GREM1: variants seen among roughly 807,000 people sequenced by gnomAD.
GREM1 encodes the protein gremlin 1, DAN family BMP antagonist, also known as gremlin-1.
GREM1 carries 6 observed loss-of-function variants against 13.1 expected under a neutral mutation model. That is an observed-to-expected ratio of 0.46 (90% CI 0.25 to 0.91). GREM1 has a LOEUF of 0.91. Among genes scored for constraint, GREM1 ranks in the 40% least tolerant of loss-of-function variants. The probability of loss-of-function intolerance (pLI) is 0.18; values close to 1 mark genes in which losing one functional copy is unlikely to be tolerated. For synonymous variants in GREM1, 98 were observed against 93.7 expected (o/e 1.05, Z -0.27); for missense variants, 185 against 233.9 (o/e 0.79, Z 1.36).
intron 1 of GREM1, among the ~76,000 whole-genome samples, chr15:32,721,763 C>T (rs1243136378): frequency 6.6e-6 from 1 of 152,114 alleles, no homozygotes; most frequent in African/African-American, 2.4e-5. Context: ...ATCCTGAATA[C>T]CACACTACGC....
rs1424027637 is a variant in GREM1 at position 32,732,102 on chromosome 15, A to T, written c.*857A>T. 1 of 240,872 alleles carries T rather than the reference A, an allele frequency of 4.2e-6. No homozygotes were observed. Among genetic ancestry groups the T allele is most frequent in the Non-Finnish European group, 8.8e-6 (1 of 113,616 alleles). The allele number at this position is 240,872 out of a possible 1,614,324, so 14.9% of individuals were successfully genotyped here. ...TGGCCGTTGCAATCTGCTCAAACCT[A>T]ACACCAAACTGAAAACATAAATACT... On this transcript the variant is annotated 3_prime_UTR_variant, in exon 2 of 2. Coordinates refer to ENST00000651154, the MANE Select transcript of GREM1 (RefSeq NM_013372.7).
rs553652077 is a variant in GREM1, at chr15:32,739,424, A to G, written c.*8179A>G. On this transcript the variant is annotated 3_prime_UTR_variant, in exon 2 of 2. Transcript: ENST00000651154. ...CTGGTTGCAAACAGTTTAAATGAGAAAAGATAAGGCCTGAATTAAGGCAGC... is the reference window on the plus strand; with the variant it reads ...CTGGTTGCAAACAGTTTAAATGAGAGAAGATAAGGCCTGAATTAAGGCAGC... 1 of 152,360 alleles carries G rather than the reference A, an allele frequency of 6.6e-6. No homozygotes were observed. Among genetic ancestry groups the G allele is most frequent in the South Asian group, 2.1e-4 (1 of 4,824 alleles). The allele number at this position is 152,360 out of a possible 1,614,324, so 9.4% of individuals were successfully genotyped here.
chr15:32,724,961 C>T (rs1311263707), intron 1 of GREM1, among the ~76,000 whole-genome samples: 1 of 152,164 alleles, frequency 6.6e-6, no homozygotes, highest in Non-Finnish European at 1.5e-5. Context: ...CTGCAAAGGA[C>T]ATGAACTCAT....
chr15:32,742,615 T>A lies in GREM1; in HGVS notation c.*11370T>A, dbSNP rs186227716. The A allele has an allele frequency of 1.3e-5, 2 of 152,180 alleles. No individual in the cohort carries two copies. The highest frequency in any genetic ancestry group is 4.8e-5 in the African/African-American group (2 of 41,448). 9.4% of individuals were successfully genotyped at this position (152,180 alleles called of 1,614,324 possible). On this transcript the variant is annotated 3_prime_UTR_variant, in exon 2 of 2. Transcript: ENST00000651154. ...AAGCTGGAGGCATTATACTTCCTGATTTCAAAATATCCTGCAAAGGTACAG... is the reference window on the plus strand; with the variant it reads ...AAGCTGGAGGCATTATACTTCCTGAATTCAAAATATCCTGCAAAGGTACAG...
rs1190138071 is a variant in GREM1 at position 32,735,772 on chromosome 15, A to AG, written c.*4528dup. 1.2e-5 allele frequency: 1 copy of AG among 82,686 alleles called. No homozygotes were observed. Among genetic ancestry groups the AG allele is most frequent in the Non-Finnish European group, 2.8e-5 (1 of 35,918 alleles). 5.1% of individuals were successfully genotyped at this position (82,686 alleles called of 1,614,324 possible). A position where few individuals can be genotyped will look rare whatever the true frequency, so the allele number is the denominator to read the frequency against. On this transcript the variant is annotated 3_prime_UTR_variant, in exon 2 of 2. Coordinates refer to ENST00000651154, the MANE Select transcript of GREM1 (RefSeq NM_013372.7). ...GACACGGAAGAGCATTTCAAGCTTA[A>AG]GAAAAAAAAAAAAAAGAAGAATGTG... is the stretch of plus-strand genomic sequence containing the variant.
In GREM1 at chr15:32,734,621, A is replaced by G. The variant is rs2055673362; in HGVS notation, c.*3376A>G. ...AATTTTCACCCCAATAATGTTCTAT[A>G]TAGCCTTTGCTAAAGAGCAACTAAT... On this transcript the variant is annotated 3_prime_UTR_variant, in exon 2 of 2. Transcript: ENST00000651154. 1 of 245,820 alleles carries G rather than the reference A, an allele frequency of 4.1e-6. No individual in the cohort carries two copies. Among genetic ancestry groups the G allele is most frequent in the East Asian group, 6.1e-5 (1 of 16,280 alleles). The allele number at this position is 245,820 out of a possible 1,614,324, so 15.2% of individuals were successfully genotyped here.
At chr15:32,729,515 C>CCTTT (rs1444075185) in intron 1 of GREM1, among the ~76,000 whole-genome samples, 3 of 152,284 alleles carry the variant, frequency 2.0e-5, no homozygotes, top group African/African-American at 7.2e-5. Context: ...GAAGAGTTCC[C>CCTTT]CTTTCTCTGA....
intron 1 of GREM1, among the ~76,000 whole-genome samples, chr15:32,728,370 T>TA (rs1555443130): frequency 6.6e-6 from 1 of 152,174 alleles, no homozygotes; most frequent in Non-Finnish European, 1.5e-5. Flanking sequence ...TGTTGTAACA[T>TA]ACACTGACCA....
rs2055615258 is a variant in GREM1, at chr15:32,731,374, G to A, written c.*129G>A. On this transcript the variant is annotated 3_prime_UTR_variant, in exon 2 of 2. Coordinates refer to ENST00000651154, the MANE Select transcript of GREM1 (RefSeq NM_013372.7). ...AACCCCCAGCTGCCTCCTGGCAGGAGCCTGCTTGTGCGTAGTTCGTGTGCA... is the reference window on the plus strand; with the variant it reads ...AACCCCCAGCTGCCTCCTGGCAGGAACCTGCTTGTGCGTAGTTCGTGTGCA... 1.4e-6 allele frequency: 1 copy of A among 692,488 alleles called. No individual in the cohort carries two copies. The highest frequency in any genetic ancestry group is 1.8e-5 in the African/African-American group (1 of 55,486). 42.9% of individuals were successfully genotyped at this position (692,488 alleles called of 1,614,324 possible). A position where few individuals can be genotyped will look rare whatever the true frequency, so the allele number is the denominator to read the frequency against.
chr15:32,738,902 T>C lies in GREM1; in HGVS notation c.*7657T>C, dbSNP rs1164021979. On this transcript the variant is annotated 3_prime_UTR_variant, in exon 2 of 2. Coordinates refer to ENST00000651154, the MANE Select transcript of GREM1 (RefSeq NM_013372.7). ...ATGAGGATCACTTGAGCCCAGAAGA[T>C]TGTACCACTGCACTCCAGCCTACAT... 2.0e-5 allele frequency: 3 copies of C among 152,140 alleles called. No homozygotes were observed. Among genetic ancestry groups the C allele is most frequent in the Non-Finnish European group, 4.4e-5 (3 of 68,044 alleles). The allele number at this position is 152,140 out of a possible 1,614,324, so 9.4% of individuals were successfully genotyped here. A position where few individuals can be genotyped will look rare whatever the true frequency, so the allele number is the denominator to read the frequency against.
Position 32,736,083 on chromosome 15 carries a change from C to T in GREM1, c.*4838C>T, listed in dbSNP as rs1391163805. ...ATGAAAATCAGCAGTCTGGCAGCCA[C>T]TGAAGGTGACAGAATGGAGTTGGAG... is the stretch of plus-strand genomic sequence containing the variant. On this transcript the variant is annotated 3_prime_UTR_variant, in exon 2 of 2. Transcript: ENST00000651154. The T allele has an allele frequency of 1.3e-5, 2 of 152,224 alleles. No homozygotes were observed. Among genetic ancestry groups the T allele is most frequent in the Non-Finnish European group, 2.9e-5 (2 of 68,044 alleles). 9.4% of individuals were successfully genotyped at this position (152,224 alleles called of 1,614,324 possible). A position where few individuals can be genotyped will look rare whatever the true frequency, so the allele number is the denominator to read the frequency against.
rs978506096 is a variant in GREM1 at position 32,718,025 on chromosome 15, C to G, written c.-138C>G. On this transcript the variant is annotated 5_prime_UTR_variant, in exon 1 of 2. Coordinates refer to ENST00000651154, the MANE Select transcript of GREM1 (RefSeq NM_013372.7). ...TGGCACTCGGTGCGCCTTCCGCGGA[C>G]CGGGCGACCCAGTGCACGGCCGCCG... 3.7e-6 allele frequency: 4 copies of G among 1,081,680 alleles called. No homozygotes were observed. The highest frequency in any genetic ancestry group is 4.5e-6 in the Non-Finnish European group (4 of 890,206). 67.0% of individuals were successfully genotyped at this position (1,081,680 alleles called of 1,614,324 possible). A position where few individuals can be genotyped will look rare whatever the true frequency, so the allele number is the denominator to read the frequency against.
rs1377419423 is a variant in GREM1 at position 32,738,023 on chromosome 15, T to C, written c.*6778T>C. 1 of 117,398 alleles carries C rather than the reference T, an allele frequency of 8.5e-6. No individual in the cohort carries two copies. Among genetic ancestry groups the C allele is most frequent in the Non-Finnish European group, 1.6e-5 (1 of 61,392 alleles). The allele number at this position is 117,398 out of a possible 1,614,324, so 7.3% of individuals were successfully genotyped here. ...TTTCCCCCAAGAGGAACTAACAGGA[T>C]ATCTGCTGTCACTATTTTTATTCAA... On this transcript the variant is annotated 3_prime_UTR_variant, in exon 2 of 2. Transcript: ENST00000651154.
Position 32,743,278 on chromosome 15 carries a change from AG to A in GREM1, c.*12035del, listed in dbSNP as rs1490303158. On this transcript the variant is annotated 3_prime_UTR_variant, in exon 2 of 2. Coordinates refer to ENST00000651154, the MANE Select transcript of GREM1 (RefSeq NM_013372.7). Reference sequence around the variant, plus strand: ...GACAAGTTATATATAATAAGCCTGTAGGCCAATATCTGCTGGCAGCCACCTT... The same window carrying A: ...GACAAGTTATATATAATAAGCCTGTAGCCAATATCTGCTGGCAGCCACCTT... 14 of 152,230 alleles carry A rather than the reference AG, an allele frequency of 9.2e-5. No homozygotes were observed. The highest frequency in any genetic ancestry group is 9.2e-4 in the Admixed American group (14 of 15,280). The allele number at this position is 152,230 out of a possible 1,614,324, so 9.4% of individuals were successfully genotyped here.
Position 32,740,838 on chromosome 15 carries a change from C to T in GREM1, c.*9593C>T, listed in dbSNP as rs1411203539. On this transcript the variant is annotated 3_prime_UTR_variant, in exon 2 of 2. Transcript: ENST00000651154. ...TTTCTCCCAGCCTCCATATTCAAATCTTAAGGAAAATTCTTATGGACTTAG... is the reference window on the plus strand; with the variant it reads ...TTTCTCCCAGCCTCCATATTCAAATTTTAAGGAAAATTCTTATGGACTTAG... 6.6e-6 allele frequency: 1 copy of T among 152,096 alleles called. No individual in the cohort carries two copies. Among genetic ancestry groups the T allele is most frequent in the Non-Finnish European group, 1.5e-5 (1 of 68,014 alleles). 9.4% of individuals were successfully genotyped at this position (152,096 alleles called of 1,614,324 possible).
chr15:32,718,459 G>A (rs965313361), intron 1 of GREM1: 1 of 469,798 alleles, frequency 2.1e-6, no homozygotes, highest in African/African-American at 2.0e-5. Flanking sequence ...ACACGCTCCT[G>A]GTGCTGGTGG....
In GREM1 at chr15:32,738,083, CAAAAAAAA is replaced by C. The variant is rs67118209; in HGVS notation, c.*6881_*6888del. On this transcript the variant is annotated 3_prime_UTR_variant, in exon 2 of 2. Coordinates refer to ENST00000651154, the MANE Select transcript of GREM1 (RefSeq NM_013372.7). The stretch of plus-strand genomic sequence containing the variant: ...GGAGGTTCTACCTAGGGTAATTAGG[CAAAAAAAA>C]AAAAAAAAAAAAAAAAAAAAAAAAA... The C allele has an allele frequency of 1.1e-4, 2 of 18,930 alleles. No individual in the cohort carries two copies. Among genetic ancestry groups the C allele is most frequent in the African/African-American group, 2.3e-4 (1 of 4,378 alleles). The allele number at this position is 18,930 out of a possible 1,614,324, so 1.2% of individuals were successfully genotyped here.
rs2055755106 is a variant in GREM1 at position 32,740,875 on chromosome 15, A to G, written c.*9630A>G. Reference sequence around the variant, plus strand: ...TCTTATGGACTTAGCTTGAGTTTCAAGTTCATTTCTAAAATCAATCATGGT... The same window carrying G: ...TCTTATGGACTTAGCTTGAGTTTCAGGTTCATTTCTAAAATCAATCATGGT... On this transcript the variant is annotated 3_prime_UTR_variant, in exon 2 of 2. Coordinates refer to ENST00000651154, the MANE Select transcript of GREM1 (RefSeq NM_013372.7). The G allele has an allele frequency of 6.6e-6, 1 of 152,284 alleles. No homozygotes were observed. The highest frequency in any genetic ancestry group is 6.5e-5 in the Admixed American group (1 of 15,290). The allele number at this position is 152,284 out of a possible 1,614,324, so 9.4% of individuals were successfully genotyped here.
rs1425175953 is a variant in GREM1, at chr15:32,731,740, CTTAAG to C, written c.*498_*502del. Reference sequence around the variant, plus strand: ...TCCTCCTCCTCACAATCCATCTCTTCTTAAGTTGATAGTGACTATGTCAGTCTAAT... The same window carrying C: ...TCCTCCTCCTCACAATCCATCTCTTCTTGATAGTGACTATGTCAGTCTAAT... On this transcript the variant is annotated 3_prime_UTR_variant, in exon 2 of 2. Coordinates refer to ENST00000651154, the MANE Select transcript of GREM1 (RefSeq NM_013372.7). 10 of 246,260 alleles carry C rather than the reference CTTAAG, an allele frequency of 4.1e-5. No homozygotes were observed. The East Asian group carries it at 5.7e-4, about 14-fold the overall frequency. The allele number at this position is 246,260 out of a possible 1,614,324, so 15.3% of individuals were successfully genotyped here.
Sources: gnomAD v4.1 joint callset for allele counts (sites outside exome capture counted in the v4.1 genomes callset) on GRCh38, gnomAD v4.1.1 for gene constraint, MANE v1.5 for transcripts, NCBI Gene and HGNC (gene_info 2026-07-23, HGNC 2026-07-21) for gene names.